The following PLA2G4A variants were observed in gnomAD, a reference collection of about 807,000 sequenced individuals.
PLA2G4A encodes the protein cytosolic phospholipase A2.
In PLA2G4A, 40 loss-of-function variants were observed where a neutral mutation model predicts 81.9. That is an observed-to-expected ratio of 0.49 (90% CI 0.38 to 0.64). The LOEUF (loss-of-function observed/expected upper bound fraction) is 0.64, where lower values mean the gene tolerates loss of function less well. Ranked by LOEUF, PLA2G4A falls within the 30% of genes least tolerant of loss-of-function variation. The pLI, the probability that PLA2G4A is intolerant of heterozygous loss-of-function variation, is 0.00. For missense variants in PLA2G4A, 715 were observed against 905.1 expected (o/e 0.79, Z 2.69); for synonymous variants, 302 against 296.9 (o/e 1.02, Z -0.18).
chr1:186,975,835 T>C (rs1275900086), intron 15 of PLA2G4A, among the ~76,000 whole-genome samples: 1 of 152,220 alleles, frequency 6.6e-6, no homozygotes, highest in Non-Finnish European at 1.5e-5. Context: ...TTAGGGTGTC[T>C]GTCTTAGAGC....
chr1:186,852,801 G>A (rs1652420264), intron 1 of PLA2G4A, among the ~76,000 whole-genome samples: 1 of 151,908 alleles, frequency 6.6e-6, no homozygotes, highest in Non-Finnish European at 1.5e-5. Flanking sequence ...TAGCACTAAA[G>A]TAGTTTATAA....
intron 10 of PLA2G4A, among the ~76,000 whole-genome samples, chr1:186,943,563 G>A (rs6704304): frequency 0.3 from 46,332 of 152,024 alleles, 9,574 homozygotes; most frequent in African/African-American, 0.58. Flanking sequence ...AGGGTGAGAT[G>A]TCATAGAGAT....
intron 14 of PLA2G4A, among the ~76,000 whole-genome samples, chr1:186,961,734 T>A (rs1656953065): frequency 6.6e-6 from 1 of 152,192 alleles, no homozygotes; most frequent in African/African-American, 2.4e-5. Flanking sequence ...CAGCTAAATT[T>A]TTTTTTAAAA....
intron 2 of PLA2G4A, among the ~76,000 whole-genome samples, chr1:186,868,215 C>G (rs1431495214): frequency 6.6e-6 from 1 of 151,456 alleles, no homozygotes; most frequent in African/African-American, 2.4e-5. Context: ...GCTGGGATTA[C>G]AGGCACACAC....
intron 17 of PLA2G4A, among the ~76,000 whole-genome samples, chr1:186,980,033 C>T (rs1316030491): frequency 2.0e-5 from 3 of 147,094 alleles, no homozygotes; most frequent in South Asian, 2.1e-4. Context: ...CTGCAAGCTC[C>T]GCCTCCCAGG....
At chr1:186,979,549 T>A in intron 17 of PLA2G4A, 77 bp downstream of exon 17, 2 of 943,758 alleles carry the variant, frequency 2.1e-6, no homozygotes, top group Admixed American at 1.9e-5. Flanking sequence ...TCTTTTCAAT[T>A]AAAAATAAAA....
rs536608590 is a variant in PLA2G4A at position 186,984,468 on chromosome 1, C to T, written c.2119-3909C>T. Among the ~76,000 whole-genome samples, 8 of 152,218 alleles carry T rather than the reference C, an allele frequency of 5.3e-5. No individual in the cohort carries two copies. In the South Asian group the frequency reaches 1.7e-3, roughly 32 times the overall value. On this transcript the variant is annotated intron_variant, in intron 17 of 17. Transcript: ENST00000367466. ...CATTATTCAGCATATGCCAATGATGCAAAGTAATGAGCTTTTTTCTTTCTT... is the reference window on the plus strand; with the variant it reads ...CATTATTCAGCATATGCCAATGATGTAAAGTAATGAGCTTTTTTCTTTCTT...
chr1:186,885,806 AAGAG>A (rs1322982678), intron 3 of PLA2G4A, among the ~76,000 whole-genome samples: 1 of 152,146 alleles, frequency 6.6e-6, no homozygotes, highest in African/African-American at 2.4e-5. Flanking sequence ...AAAACAGTTA[AAGAG>A]AGAATTACTG....
chr1:186,929,179 G>A (rs901633687), intron 7 of PLA2G4A, among the ~76,000 whole-genome samples: 2 of 152,210 alleles, frequency 1.3e-5, no homozygotes, highest in Non-Finnish European at 2.9e-5. Context: ...AAAGGAAAGA[G>A]CAAGGAATTT....
At chr1:186,885,537 A>G (rs1653905502) in intron 3 of PLA2G4A, among the ~76,000 whole-genome samples, 1 of 152,208 alleles carries the variant, frequency 6.6e-6, no homozygotes, top group South Asian at 2.1e-4. Context: ...TCTGGCATTC[A>G]GTCAAAGGTT....
intron 7 of PLA2G4A, among the ~76,000 whole-genome samples, chr1:186,912,151 C>A (rs1375128652): frequency 6.6e-6 from 1 of 152,150 alleles, no homozygotes; most frequent in Admixed American, 6.5e-5. Flanking sequence ...TTGGAAAACA[C>A]CCTCATTAGC....
At chr1:186,907,136 T>G (rs1654767090) in intron 6 of PLA2G4A, 134 bp downstream of exon 6, 1 of 614,440 alleles carries the variant, frequency 1.6e-6, no homozygotes, top group Non-Finnish European at 2.9e-6. Context: ...ACTTTGCTTT[T>G]CTTTAGTTGT....
At chr1:186,901,775 G>T (rs1338135919) in intron 5 of PLA2G4A, among the ~76,000 whole-genome samples, 1 of 152,098 alleles carries the variant, frequency 6.6e-6, no homozygotes, top group African/African-American at 2.4e-5. Flanking sequence ...GTGGAATGTG[G>T]CCACAGGGAA....
chr1:186,962,876 C>A (rs932776160), intron 14 of PLA2G4A, among the ~76,000 whole-genome samples: 19 of 152,128 alleles, frequency 1.2e-4, no homozygotes, highest in Non-Finnish European at 1.6e-4. Flanking sequence ...GTTAGTCATG[C>A]CACTTTCTAA....
intron 7 of PLA2G4A, among the ~76,000 whole-genome samples, chr1:186,930,171 A>C (rs1655690770): frequency 6.6e-6 from 1 of 152,186 alleles, no homozygotes; most frequent in Non-Finnish European, 1.5e-5. Context: ...GTATAATGTA[A>C]ATGCATGCTT....
intron 7 of PLA2G4A, among the ~76,000 whole-genome samples, chr1:186,917,991 G>T (rs1369743478): frequency 6.6e-6 from 1 of 152,182 alleles, no homozygotes; most frequent in African/African-American, 2.4e-5. Flanking sequence ...GAGTGGTTTC[G>T]TGCATGGCCA....
At chr1:186,870,711 G>C in intron 3 of PLA2G4A, 195 bp downstream of exon 3, 2 of 1,467,278 alleles carry the variant, frequency 1.4e-6, no homozygotes, top group Non-Finnish European at 1.8e-6. Context: ...CCTTAAATTA[G>C]CCAAAGTGAC....
At chr1:186,987,285 G>A (rs1030051557) in intron 17 of PLA2G4A, among the ~76,000 whole-genome samples, 2 of 152,264 alleles carry the variant, frequency 1.3e-5, no homozygotes, top group East Asian at 3.8e-4. Flanking sequence ...CCAAGGCCAA[G>A]TGGGCCACAG....
intron 16 of PLA2G4A, among the ~76,000 whole-genome samples, chr1:186,978,798 C>T (rs897767698): frequency 7.8e-4 from 119 of 152,212 alleles, no homozygotes; most frequent in African/African-American, 2.5e-3. Flanking sequence ...GGGGAACACT[C>T]TAGTTTATTA....
Sources: gnomAD v4.1 joint callset for allele counts (sites outside exome capture counted in the v4.1 genomes callset) on GRCh38, gnomAD v4.1.1 for gene constraint, MANE v1.5 for transcripts, NCBI Gene and HGNC (gene_info 2026-07-23, HGNC 2026-07-21) for gene names.